The following BTBD19 variants were observed in gnomAD, a reference collection of about 807,000 sequenced individuals.
BTBD19 encodes BTB/POZ domain-containing protein 19.
BTBD19 carries 20 observed loss-of-function variants against 36.1 expected under a neutral mutation model. That is an observed-to-expected ratio of 0.55 (90% confidence interval 0.39 to 0.80). BTBD19 has a LOEUF of 0.80. Ranked by LOEUF, BTBD19 falls within the 30% of genes least tolerant of loss-of-function variation. BTBD19 has a pLI of 0.00. For missense variants in BTBD19, 325 were observed against 389.8 expected, an observed-to-expected ratio of 0.83 and a Z score of 1.40; for synonymous variants, 157 against 174.3, an observed-to-expected ratio of 0.90 and a Z score of 0.78.
rs1652331957 is a variant in BTBD19, at chr1:44,810,180, C to T, written c.87-33C>T. 4.6e-6 allele frequency: 7 copies of T among 1,529,322 alleles called. No homozygotes were observed. In the East Asian group the frequency reaches 1.5e-4, roughly 32 times the overall value. 94.7% of individuals were successfully genotyped at this position (1,529,322 alleles called of 1,614,324 possible). ...CAAGTTGCACTCCGGGTGCTGGCCT[C>T]CTCCCCGCTGCCTCTCTGCCTGTCT... On this transcript the variant is annotated intron_variant, in intron 1 of 7. Coordinates refer to ENST00000450269, the Ensembl canonical transcript of BTBD19. This position sits in a 1 kb window ranked among gnomAD's most constrained non-coding sequence, Gnocchi z 4.2.
intron 1 of BTBD19, among the ~76,000 whole-genome samples, chr1:44,809,258 T>C (rs1652287940): frequency 6.6e-6 from 1 of 152,182 alleles, no homozygotes; most frequent in African/African-American, 2.4e-5. Context: ...AGCTTGGTAT[T>C]GAGGCCTCAC....
At chr1:44,812,167 G>A in intron 4 of BTBD19, 69 bp downstream of exon 4, 1 of 1,168,930 alleles carries the variant, frequency 8.6e-7, no homozygotes, top group Non-Finnish European at 1.2e-6. Flanking sequence ...CAGCACCTGG[G>A]AGCCTGGGCC....
rs1652364466 is a variant in BTBD19 at position 44,810,635 on chromosome 1, C to T, written c.354+28C>T. 1 of 1,519,606 alleles carries T rather than the reference C, an allele frequency of 6.6e-7. No homozygotes were observed. Among genetic ancestry groups the T allele is most frequent in the African/African-American group, 1.4e-5 (1 of 72,434 alleles). The allele number at this position is 1,519,606 out of a possible 1,614,324, so 94.1% of individuals were successfully genotyped here. ...GGGTTTTTGTGCCAGGTCCCTGTCT[C>T]ATTTCCCTTGCTTCTCACGGGCTCA... On this transcript the variant is annotated intron_variant, in intron 3 of 7. Coordinates refer to ENST00000450269, the Ensembl canonical transcript of BTBD19. This position sits in a 1 kb window ranked among gnomAD's most constrained non-coding sequence, Gnocchi z 4.2.
chr1:44,814,170 C>CTTTCTTTCTT (rs1652596370), downstream of BTBD19: 2 of 139,670 alleles, frequency 1.4e-5, no homozygotes, highest in Non-Finnish European at 1.4e-5. Flanking sequence ...TTCTTTCTTT[C>CTTTCTTTCTT]TTTCTTTCTT....
At chr1:44,814,186 C>CTTTCTTTCTT (rs1553163530), downstream of BTBD19, 3 of 143,722 alleles carry the variant, frequency 2.1e-5, no homozygotes, top group African/African-American at 3.3e-5. Context: ...TTCTTTCTTT[C>CTTTCTTTCTT]TTTCTTTCTT....
chr1:44,810,789 G>A lies in BTBD19; in HGVS notation c.354+182G>A, dbSNP rs1652375461. The A allele has an allele frequency of 4.5e-6, 2 of 447,320 alleles. No homozygotes were observed. The highest frequency in any genetic ancestry group is 2.0e-5 in the South Asian group (1 of 49,532). 27.7% of individuals were successfully genotyped at this position (447,320 alleles called of 1,614,324 possible). A position where few individuals can be genotyped will look rare whatever the true frequency, so the allele number is the denominator to read the frequency against. Reference sequence around the variant, plus strand: ...CCTGTGTGCAAAAGGATCCATGCATGCCTGCCCTGTGTGTGCTGTGGGAAG... The same window carrying A: ...CCTGTGTGCAAAAGGATCCATGCATACCTGCCCTGTGTGTGCTGTGGGAAG... On this transcript the variant is annotated intron_variant, in intron 3 of 7. Transcript: ENST00000450269. The surrounding 1 kb of genome is among the most constrained non-coding windows in gnomAD (Gnocchi z 4.2).
chr1:44,813,544 C>G lies in BTBD19; in HGVS notation c.741+45C>G. On this transcript the variant is annotated intron_variant, in intron 7 of 7. Coordinates refer to ENST00000450269, the Ensembl canonical transcript of BTBD19. The surrounding 1 kb of genome is among the most constrained non-coding windows in gnomAD (Gnocchi z 7.8). ...GCCCAGCTCCACTCAGCAGGGGGTA[C>G]AGGGCGCTGGGAGGGGGCAGGAGCA... The G allele has an allele frequency of 6.5e-7, 1 of 1,540,506 alleles. No homozygotes were observed. Among genetic ancestry groups the G allele is most frequent in the South Asian group, 1.2e-5 (1 of 82,630 alleles).
At chr1:44,809,228 C>T (rs1228206475) in intron 1 of BTBD19, among the ~76,000 whole-genome samples, 2 of 152,164 alleles carry the variant, frequency 1.3e-5, no homozygotes, top group African/African-American at 2.4e-5. Context: ...TCATGATTCC[C>T]CTCCTCCCTC....
chr1:44,813,408 C>T lies in BTBD19; in HGVS notation c.650C>T (p.Ala217Val). The change falls in exon 7 of 8, where the codon GCC becomes GTC. Residue 217 changes from alanine (A) to valine (V), a missense_variant. Coordinates refer to ENST00000450269, the Ensembl canonical transcript of BTBD19. This position sits in a 1 kb window ranked among gnomAD's most constrained non-coding sequence, Gnocchi z 7.8. Reference sequence around the variant, plus strand: ...GAGCGGCCGGTGGCTGAGGTGGCGGCCCCGGTGGTGAAAGAGCTGAGACTA... The same window carrying T: ...GAGCGGCCGGTGGCTGAGGTGGCGGTCCCGGTGGTGAAAGAGCTGAGACTA... 6.5e-7 allele frequency: 1 copy of T among 1,540,864 alleles called. No homozygotes were observed. The highest frequency in any genetic ancestry group is 2.4e-5 in the East Asian group (1 of 40,914).
At chr1:44,814,148 CTCTT>C (rs1553163473), downstream of BTBD19, 16,068 of 158,816 alleles carry the variant, frequency 0.1, 1,054 homozygotes, top group Admixed American at 0.13. Flanking sequence ...CTTTTTCTTT[CTCTT>C]TCTTTCTTTC....
exon 1 of BTBD19, chr1:44,808,549 CG>C (rs1557630002): frequency 9.2e-6 from 3 of 326,064 alleles, no homozygotes; most frequent in Admixed American, 4.9e-5. Flanking sequence ...CCGCCGCCGC[CG>C]CCAGCCAGCC....
chr1:44,813,427 G>A lies in BTBD19; in HGVS notation c.669G>A (p.Leu223=). Residue 223 remains leucine, a synonymous_variant, in exon 7 of 8, where the codon CTG becomes CTA. Transcript: ENST00000450269. The surrounding 1 kb of genome is among the most constrained non-coding windows in gnomAD (Gnocchi z 7.8). ...TGGCGGCCCCGGTGGTGAAAGAGCT[G>A]AGACTAGCCTTGCTGGCCCCGGCGG... 1 of 1,550,228 alleles carries A rather than the reference G, an allele frequency of 6.5e-7. No homozygotes were observed. The highest frequency in any genetic ancestry group is 2.0e-5 in the Admixed American group (1 of 51,002).
In BTBD19 at chr1:44,813,760, G is replaced by C. The variant is rs1235498381; in HGVS notation, c.864G>C (p.Leu288=). The stretch of plus-strand genomic sequence containing the variant: ...GGGAGCATCACCGCTTTCTGGACCT[G>C]TCCTTCAAATGATCCAACGCCGGGA... The change falls in exon 8 of 8, where the codon CTG becomes CTC. Residue 288 remains leucine (L), a synonymous_variant. Coordinates refer to ENST00000450269, the Ensembl canonical transcript of BTBD19. The surrounding 1 kb of genome is among the most constrained non-coding windows in gnomAD (Gnocchi z 7.8). 2 of 1,551,428 alleles carry C rather than the reference G, an allele frequency of 1.3e-6. No homozygotes were observed. The highest frequency in any genetic ancestry group is 1.7e-6 in the Non-Finnish European group (2 of 1,146,846).
At chr1:44,811,828 G>A (rs1652430204) in intron 3 of BTBD19, 1 of 353,382 alleles carries the variant, frequency 2.8e-6, no homozygotes, top group Non-Finnish European at 5.8e-6. Context: ...ACTAGAAGGT[G>A]GGTGGCTGGG....
downstream of BTBD19, chr1:44,814,148 C>CCCTTTCTTTCTT (rs1652583272): frequency 6.3e-6 from 1 of 159,090 alleles, no homozygotes; most frequent in Non-Finnish European, 1.2e-5. Flanking sequence ...CTTTTTCTTT[C>CCCTTTCTTTCTT]TCTTTCTTTC....
chr1:44,810,702 C>A lies in BTBD19; in HGVS notation c.354+95C>A. 8.2e-7 allele frequency: 1 copy of A among 1,221,582 alleles called. No individual in the cohort carries two copies. The highest frequency in any genetic ancestry group is 1.1e-6 in the Non-Finnish European group (1 of 898,366). The allele number at this position is 1,221,582 out of a possible 1,614,324, so 75.7% of individuals were successfully genotyped here. A position where few individuals can be genotyped will look rare whatever the true frequency, so the allele number is the denominator to read the frequency against. On this transcript the variant is annotated intron_variant, in intron 3 of 7. Coordinates refer to ENST00000450269, the Ensembl canonical transcript of BTBD19. This position sits in a 1 kb window ranked among gnomAD's most constrained non-coding sequence, Gnocchi z 4.2. ...ACACACACTCTGGCCTGGAGAGGAACGTGTGCCCACACAGAGAGAAGTATG... is the reference window on the plus strand; with the variant it reads ...ACACACACTCTGGCCTGGAGAGGAAAGTGTGCCCACACAGAGAGAAGTATG...
chr1:44,809,107 T>G (rs982102943), intron 1 of BTBD19, among the ~76,000 whole-genome samples: 3 of 152,118 alleles, frequency 2.0e-5, no homozygotes, highest in Non-Finnish European at 2.9e-5. Context: ...GAGGCAAGGC[T>G]GGCGGGGTGG....
At position 44,810,162 on chromosome 1, in the gene BTBD19, C is replaced by T. The variant is rs1652329902; in HGVS notation, c.87-51C>T. ...GTGGGCAAAGGCACAGCCCAAGTTG[C>T]ACTCCGGGTGCTGGCCTCCTCCCCG... On this transcript the variant is annotated intron_variant, in intron 1 of 7. Coordinates refer to ENST00000450269, the Ensembl canonical transcript of BTBD19. The surrounding 1 kb of genome is among the most constrained non-coding windows in gnomAD (Gnocchi z 4.2). The T allele has an allele frequency of 6.8e-7, 1 of 1,470,174 alleles. No individual in the cohort carries two copies. Among genetic ancestry groups the T allele is most frequent in the Non-Finnish European group, 9.3e-7 (1 of 1,076,898 alleles). 91.1% of individuals were successfully genotyped at this position (1,470,174 alleles called of 1,614,324 possible).
In BTBD19 at chr1:44,813,775, C is replaced by A. The variant is rs888429648; in HGVS notation, c.*3C>A. On this transcript the variant is annotated 3_prime_UTR_variant, in exon 8 of 8. Coordinates refer to ENST00000450269, the Ensembl canonical transcript of BTBD19. The surrounding 1 kb of genome is among the most constrained non-coding windows in gnomAD (Gnocchi z 7.8). ...TTCTGGACCTGTCCTTCAAATGATC[C>A]AACGCCGGGACTCGCAGGGAGCCCT... 4 of 1,551,338 alleles carry A rather than the reference C, an allele frequency of 2.6e-6. No individual in the cohort carries two copies. Among genetic ancestry groups the A allele is most frequent in the Non-Finnish European group, 3.5e-6 (4 of 1,146,812 alleles).
Sources: allele counts gnomAD v4.1 joint callset (sites outside exome capture counted in the v4.1 genomes callset), GRCh38; gene constraint gnomAD v4.1.1; non-coding constraint Gnocchi (gnomAD v3.1); transcripts MANE v1.5; gene names NCBI Gene and HGNC (gene_info 2026-07-23, HGNC 2026-07-21).